Variants in SGCZ observed in about 807,000 individuals in gnomAD.
SGCZ encodes the protein zeta-sarcoglycan.
A neutral mutation model predicts 41.3 loss-of-function variants in SGCZ; 40 were observed. That is an observed-to-expected ratio of 0.97 (90% CI 0.75 to 1.26). SGCZ has a LOEUF of 1.26. Among genes scored for constraint, SGCZ ranks in the 50% most tolerant of loss-of-function variants. SGCZ has a pLI of 0.00. For missense variants in SGCZ, 552 were observed against 369.8 expected, an observed-to-expected ratio of 1.49 and a Z score of -4.04; for synonymous variants, 206 against 137.5, an observed-to-expected ratio of 1.50 and a Z score of -3.49.
At chr8:15,088,665 CCCTTGCTGATAA>C (rs1332335371) in intron 1 of SGCZ, among the ~76,000 whole-genome samples, 1 of 151,894 alleles carries the variant, frequency 6.6e-6, no homozygotes, top group African/African-American at 2.4e-5. Context: ...AAACTGTTGT[CCCTTGCTGATAA>C]GACACCCTTT....
intron 1 of SGCZ, among the ~76,000 whole-genome samples, chr8:14,642,377 C>A (rs1049990302): frequency 1.3e-4 from 20 of 151,418 alleles, no homozygotes; most frequent in Admixed American, 7.9e-4. Context: ...ATGGTCACAC[C>A]CATTTTTAAT....
At chr8:14,609,308 T>A (rs1805852943) in intron 1 of SGCZ, among the ~76,000 whole-genome samples, 9 of 152,208 alleles carry the variant, frequency 5.9e-5, no homozygotes, top group Admixed American at 5.9e-4. Flanking sequence ...ATGCTGGTAT[T>A]ACAATGAAAT....
At chr8:14,417,474 A>G (rs1799524766) in intron 2 of SGCZ, among the ~76,000 whole-genome samples, 2 of 151,670 alleles carry the variant, frequency 1.3e-5, no homozygotes, top group Non-Finnish European at 1.5e-5. Context: ...ATTTTTGTTC[A>G]TCAGTTGATT....
chr8:14,434,725 C>T (rs887455008), intron 2 of SGCZ, among the ~76,000 whole-genome samples: 3 of 151,858 alleles, frequency 2.0e-5, no homozygotes, highest in Non-Finnish European at 4.4e-5. Flanking sequence ...ATTTTTTTTG[C>T]AACAGCTATT....
At chr8:14,308,433 C>T (rs930249678) in intron 3 of SGCZ, among the ~76,000 whole-genome samples, 1 of 151,806 alleles carries the variant, frequency 6.6e-6, no homozygotes, top group African/African-American at 2.4e-5. Flanking sequence ...ACTGAGTGTA[C>T]GACAAGAAAA....
In SGCZ at chr8:14,567,979, C is replaced by T. The variant is rs376153346; in HGVS notation, c.40-13053G>A. Among the ~76,000 whole-genome samples the T allele has an allele frequency of 4.6e-5, 7 of 152,162 alleles. No homozygotes were observed. The East Asian group carries it at 5.8e-4, about 13-fold the overall frequency. On this transcript the variant is annotated intron_variant, in intron 1 of 7. Coordinates refer to ENST00000382080, the MANE Select transcript of SGCZ (RefSeq NM_139167.4). ...CTATAACGCTCACCGCGAGGGTCCG[C>T]GGCTCCATTATTGAAGTCAGTGAGA... is the stretch of plus-strand genomic sequence containing the variant.
intron 1 of SGCZ, among the ~76,000 whole-genome samples, chr8:14,726,405 G>C (rs1810059223): frequency 7.0e-6 from 1 of 143,384 alleles, no homozygotes; most frequent in Non-Finnish European, 1.5e-5. Context: ...AGTTACACAG[G>C]AAGATTAAAA....
intron 1 of SGCZ, among the ~76,000 whole-genome samples, chr8:14,822,419 G>T (rs1251239509): frequency 6.6e-6 from 1 of 152,116 alleles, no homozygotes; most frequent in Non-Finnish European, 1.5e-5. Flanking sequence ...CACCCAAAGT[G>T]ATCTACAAAG....
chr8:14,097,254 A>G (rs1563123773), intron 7 of SGCZ, among the ~76,000 whole-genome samples: 1 of 152,164 alleles, frequency 6.6e-6, no homozygotes, highest in Non-Finnish European at 1.5e-5. Flanking sequence ...TTCCCTCTAC[A>G]CAGTGCTTTA....
At chr8:14,274,870 T>C (rs1800176254) in intron 3 of SGCZ, among the ~76,000 whole-genome samples, 1 of 152,094 alleles carries the variant, frequency 6.6e-6, no homozygotes, top group Non-Finnish European at 1.5e-5. Flanking sequence ...AATACTCTAG[T>C]CTAGGCATTA....
chr8:14,743,092 T>G (rs1799241820), intron 1 of SGCZ, among the ~76,000 whole-genome samples: 1 of 152,108 alleles, frequency 6.6e-6, no homozygotes, highest in South Asian at 2.1e-4. Context: ...TAAAAAAGTA[T>G]GCACAATCAG....
chr8:15,195,890 A>ATTTTTTTTTTTTTTTTTTTTTTTTTTTT (rs10548247), intron 1 of SGCZ, among the ~76,000 whole-genome samples: 1 of 73,150 alleles, frequency 1.4e-5, no homozygotes, highest in Non-Finnish European at 2.6e-5. Flanking sequence ...TTAGGCTTCG[A>ATTTTTTTTTTTTTTTTTTTTTTTTTTTT]TTTTTTTTTT....
At chr8:15,187,184 A>T (rs900829405) in intron 1 of SGCZ, among the ~76,000 whole-genome samples, 2 of 152,176 alleles carry the variant, frequency 1.3e-5, no homozygotes, top group African/African-American at 4.8e-5. Context: ...AAAGCCACTT[A>T]TGGTAATTGT....
chr8:15,187,213 T>C (rs2117101516), intron 1 of SGCZ, among the ~76,000 whole-genome samples: 1 of 152,260 alleles, frequency 6.6e-6, no homozygotes, highest in South Asian at 2.1e-4. Context: ...TCCTTTCAGC[T>C]CTATTCTCCC....
intron 2 of SGCZ, among the ~76,000 whole-genome samples, chr8:14,519,796 A>G (rs567705219): frequency 8.0e-4 from 122 of 152,224 alleles, no homozygotes; most frequent in South Asian, 1.7e-3. Context: ...ATGTTATTTC[A>G]TTGTTACACT....
At chr8:14,311,533 T>A (rs1801543795) in intron 3 of SGCZ, among the ~76,000 whole-genome samples, 1 of 152,088 alleles carries the variant, frequency 6.6e-6, no homozygotes, top group African/African-American at 2.4e-5. Flanking sequence ...GATCACATAA[T>A]CTCCATAACT....
intron 1 of SGCZ, among the ~76,000 whole-genome samples, chr8:14,834,545 G>C (rs1802634189): frequency 6.6e-6 from 1 of 152,150 alleles, no homozygotes; most frequent in African/African-American, 2.4e-5. Context: ...AGCAAGGAGA[G>C]GAGACAGAGC....
chr8:14,936,600 A>G (rs1364278744), intron 1 of SGCZ, among the ~76,000 whole-genome samples: 3 of 151,916 alleles, frequency 2.0e-5, no homozygotes, highest in African/African-American at 4.8e-5. Flanking sequence ...GACCATTTAT[A>G]TATAAAACTT....
intron 1 of SGCZ, among the ~76,000 whole-genome samples, chr8:15,105,102 C>A (rs1351950779): frequency 6.6e-6 from 1 of 152,174 alleles, no homozygotes; most frequent in Admixed American, 6.5e-5. Flanking sequence ...ACTACCTTTG[C>A]TATGAAATTA....
Sources: allele counts gnomAD v4.1 joint callset (sites outside exome capture counted in the v4.1 genomes callset), GRCh38; gene constraint gnomAD v4.1.1; transcripts MANE v1.5; gene names NCBI Gene and HGNC (gene_info 2026-07-23, HGNC 2026-07-21).